BRMS1L: variants seen among roughly 807,000 people sequenced by gnomAD.
The protein encoded by BRMS1L is BRMS1 like transcriptional repressor.
In BRMS1L, 23 loss-of-function variants were observed where a neutral mutation model predicts 50.3. That is an observed-to-expected ratio of 0.46 (90% CI 0.33 to 0.65). BRMS1L has a LOEUF of 0.65. BRMS1L is among the 30% of genes least tolerant of loss of function. The pLI is 0.02. For missense variants in BRMS1L, 286 were observed against 386.1 expected (o/e 0.74, Z 2.17); for synonymous variants, 114 against 126.9 (o/e 0.90, Z 0.69).
At chr14:35,850,000 TC>T (rs2078189038) in intron 4 of BRMS1L, among the ~76,000 whole-genome samples, 1 of 151,214 alleles carries the variant, frequency 6.6e-6, no homozygotes, top group Non-Finnish European at 1.5e-5. Context: ...TTTTTGTATT[TC>T]TAGTAGAGAC....
intron 4 of BRMS1L, among the ~76,000 whole-genome samples, chr14:35,840,416 A>G (rs902604614): frequency 4.6e-5 from 7 of 151,978 alleles, no homozygotes; most frequent in Admixed American, 1.3e-4. Context: ...CTCTTTTTCT[A>G]TTGTTTAGAA....
chr14:35,862,511 TTTAAG>T lies in BRMS1L; in HGVS notation c.442-75_442-71del, dbSNP rs925625212. The T allele has an allele frequency of 7.5e-6, 6 of 796,214 alleles. No homozygotes were observed. In the African/African-American group the frequency reaches 1.1e-4, roughly 14 times the overall value. The allele number at this position is 796,214 out of a possible 1,614,324, so 49.3% of individuals were successfully genotyped here. A position where few individuals can be genotyped will look rare whatever the true frequency, so the allele number is the denominator to read the frequency against. On this transcript the variant is annotated intron_variant, in intron 4 of 9. Transcript: ENST00000216807. ...ACCAAAGCATCATATATTAAAGTAC[TTTAAG>T]TTATTTGGTACTCTTAGTTAAGATA...
At chr14:35,867,571 T>C (rs1178213067) in intron 8 of BRMS1L, among the ~76,000 whole-genome samples, 1 of 152,214 alleles carries the variant, frequency 6.6e-6, no homozygotes, top group African/African-American at 2.4e-5. Flanking sequence ...AGTATAATTT[T>C]CAATTGAAAT....
chr14:35,856,696 C>T (rs1291827603), intron 4 of BRMS1L, among the ~76,000 whole-genome samples: 2 of 151,948 alleles, frequency 1.3e-5, no homozygotes, highest in Non-Finnish European at 2.9e-5. Flanking sequence ...ACTGCAAACT[C>T]TGCCTCCCAG....
At chr14:35,857,888 A>G (rs1418416990) in intron 4 of BRMS1L, among the ~76,000 whole-genome samples, 1 of 148,704 alleles carries the variant, frequency 6.7e-6, no homozygotes, top group Non-Finnish European at 1.5e-5. Flanking sequence ...TAGCAGATCT[A>G]TGAGGGCCTC....
Position 35,864,987 on chromosome 14 carries a change from A to C in BRMS1L, c.675A>C (p.Thr225=). The change falls in exon 7 of 10, where the codon ACA becomes ACC. Residue 225 remains threonine (T), a synonymous_variant. Transcript: ENST00000216807. The part of the protein sequence containing the change: ...LQDLDILEDW[T]TIRKAMATLG... The stretch of plus-strand genomic sequence containing the variant: ...ATCTTGATATTCTTGAAGACTGGAC[A>C]ACAATTAGGAAGGTATGATTAATGA... 1 of 1,574,900 alleles carries C rather than the reference A, an allele frequency of 6.3e-7. No individual in the cohort carries two copies. The highest frequency in any genetic ancestry group is 8.6e-7 in the Non-Finnish European group (1 of 1,161,852).
intron 8 of BRMS1L, among the ~76,000 whole-genome samples, chr14:35,867,106 T>G (rs1164204122): frequency 6.6e-6 from 1 of 152,176 alleles, no homozygotes; most frequent in Non-Finnish European, 1.5e-5. Flanking sequence ...AATGAATGAA[T>G]GAATGAATGA....
chr14:35,855,087 C>G (rs796202548), intron 4 of BRMS1L, among the ~76,000 whole-genome samples: 2 of 152,292 alleles, frequency 1.3e-5, no homozygotes, highest in Admixed American at 6.5e-5. Context: ...AGTTCCAGTT[C>G]CCTATTCTGC....
intron 8 of BRMS1L, chr14:35,867,697 T>C (rs920921416): frequency 9.5e-6 from 3 of 317,038 alleles, no homozygotes; most frequent in Non-Finnish European, 1.7e-5. Context: ...ATTGTTTAGC[T>C]TTGTTTAGTA....
intron 8 of BRMS1L, among the ~76,000 whole-genome samples, chr14:35,867,247 ATAAT>A (rs1389618095): frequency 6.6e-6 from 1 of 152,210 alleles, no homozygotes; most frequent in Non-Finnish European, 1.5e-5. Context: ...ACAGATTATA[ATAAT>A]TACTCTAAAA....
At chr14:35,851,335 A>T (rs970815853) in intron 4 of BRMS1L, among the ~76,000 whole-genome samples, 2 of 151,188 alleles carry the variant, frequency 1.3e-5, no homozygotes, top group Non-Finnish European at 2.9e-5. Flanking sequence ...GAAGATTTCT[A>T]TGAATTGACA....
intron 4 of BRMS1L, among the ~76,000 whole-genome samples, chr14:35,849,912 C>T (rs189822352): frequency 9.0e-4 from 134 of 149,714 alleles, no homozygotes; most frequent in East Asian, 2.2e-3. Context: ...TTCTGTCTCC[C>T]GGGATCAAGC....
At position 35,870,533 on chromosome 14, in the gene BRMS1L, C is replaced by A; in HGVS notation, c.*56C>A. On this transcript the variant is annotated 3_prime_UTR_variant, in exon 10 of 10. Coordinates refer to ENST00000216807, the MANE Select transcript of BRMS1L (RefSeq NM_032352.4). ...TATTAGTGTTACCAAATGTAAGTGC[C>A]ATGAGAGTAAAAAAATGTATTCAAT... is the stretch of plus-strand genomic sequence containing the variant. 1 of 1,055,370 alleles carries A rather than the reference C, an allele frequency of 9.5e-7. No homozygotes were observed. Among genetic ancestry groups the A allele is most frequent in the Non-Finnish European group, 1.4e-6 (1 of 704,322 alleles). The allele number at this position is 1,055,370 out of a possible 1,614,324, so 65.4% of individuals were successfully genotyped here. A position where few individuals can be genotyped will look rare whatever the true frequency, so the allele number is the denominator to read the frequency against.
intron 8 of BRMS1L, among the ~76,000 whole-genome samples, chr14:35,867,284 A>G (rs1220558365): frequency 2.4e-4 from 36 of 152,202 alleles, no homozygotes; most frequent in Admixed American, 2.2e-3. Context: ...TGATATAACA[A>G]TTAGCTGAGG....
intron 1 of BRMS1L, among the ~76,000 whole-genome samples, chr14:35,827,921 A>G (rs1204993083): frequency 6.6e-6 from 1 of 152,218 alleles, no homozygotes; most frequent in Non-Finnish European, 1.5e-5. Context: ...TACAAGGGCC[A>G]GAGTTTGGGG....
At chr14:35,836,853 C>T (rs1567301503) in intron 4 of BRMS1L, among the ~76,000 whole-genome samples, 3 of 151,292 alleles carry the variant, frequency 2.0e-5, no homozygotes, top group East Asian at 2.0e-4. Flanking sequence ...TTCACGATAT[C>T]GATTCTTCCT....
intron 4 of BRMS1L, 102 bp downstream of exon 4, chr14:35,835,025 T>G (rs2077972628): frequency 1.6e-6 from 1 of 631,854 alleles, no homozygotes; most frequent in Admixed American, 4.0e-5. Context: ...TATTAAATAG[T>G]ACTTTAGCTC....
intron 4 of BRMS1L, among the ~76,000 whole-genome samples, chr14:35,839,960 G>T (rs542591771): frequency 1.3e-5 from 2 of 152,274 alleles, no homozygotes; most frequent in East Asian, 1.9e-4. Flanking sequence ...TTTTCAAAGG[G>T]ATTGCTTCCA....
At position 35,867,986 on chromosome 14, in the gene BRMS1L, C is replaced by T. The variant is rs745568405; in HGVS notation, c.808C>T (p.Arg270Cys). The change falls in exon 9 of 10, where the codon CGT becomes TGT. Residue 270 changes from arginine to cysteine, a missense_variant. Arg to Cys is a radical substitution (Grantham distance 180). Coordinates refer to ENST00000216807, the MANE Select transcript of BRMS1L (RefSeq NM_032352.4). ...RLYYDGEWYI[R>C]GQTICIDKKD... ...ATATTATGATGGTGAATGGTATATA[C>T]GTGGACAAACAATATGTATTGATAA... is the stretch of plus-strand genomic sequence containing the variant. 4 of 1,610,532 alleles carry T rather than the reference C, an allele frequency of 2.5e-6. No individual in the cohort carries two copies. Among genetic ancestry groups the T allele is most frequent in the Admixed American group, 1.7e-5 (1 of 59,238 alleles).
Sources: allele counts gnomAD v4.1 joint callset (sites outside exome capture counted in the v4.1 genomes callset), GRCh38; gene constraint gnomAD v4.1.1; transcripts MANE v1.5; gene names NCBI Gene and HGNC (gene_info 2026-07-23, HGNC 2026-07-21).